The following GATD1 variants were observed in gnomAD, a reference collection of about 807,000 sequenced individuals.
GATD1 encodes the protein glutamine amidotransferase class 1 domain containing 1.
A neutral mutation model predicts 25.9 loss-of-function variants in GATD1; 23 were observed. That is an observed-to-expected ratio of 0.89 (90% CI 0.64 to 1.26). The LOEUF (loss-of-function observed/expected upper bound fraction) is 1.26. GATD1 is among the 50% of genes most tolerant of loss of function. The pLI, the probability that GATD1 is intolerant of heterozygous loss-of-function variation, is 0.00. For synonymous variants in GATD1, 177 were observed against 134.6 expected, an observed-to-expected ratio of 1.31 and a Z score of -2.18; for missense variants, 347 against 312.5, an observed-to-expected ratio of 1.11 and a Z score of -0.83.
rs1292877043 is a variant in GATD1 at position 774,131 on chromosome 11, AG to A, written c.142-19del. ...GCTTTCCCCTGGAGAAGCAGAGCCC[AG>A]GGGCCGAGGGTCAGCACCAGGGATA... On this transcript the variant is annotated intron_variant, in intron 2 of 7. Coordinates refer to ENST00000319863, the MANE Select transcript of GATD1 (RefSeq NM_182612.4). 1.2e-6 allele frequency: 2 copies of A among 1,603,578 alleles called. No individual in the cohort carries two copies. The highest frequency in any genetic ancestry group is 3.3e-5 in the Admixed American group (2 of 59,986).
chr11:769,810 G>T lies in GATD1; in HGVS notation c.*1087C>A. On this transcript the variant is annotated 3_prime_UTR_variant, in exon 8 of 8. Coordinates refer to ENST00000319863, the MANE Select transcript of GATD1 (RefSeq NM_182612.4). The stretch of plus-strand genomic sequence containing the variant: ...ATTTTTGTTTTTTAGTAGAGATGGG[G>T]TTTCACCATGTTAGCCAGGATGGTC... 1 of 573,120 alleles carries T rather than the reference G, an allele frequency of 1.7e-6. No homozygotes were observed. Among genetic ancestry groups the T allele is most frequent in the Non-Finnish European group, 2.2e-6 (1 of 454,294 alleles). The allele number at this position is 573,120 out of a possible 1,614,324, so 35.5% of individuals were successfully genotyped here.
At position 774,111 on chromosome 11, in the gene GATD1, C is replaced by T. The variant is rs1863727680; in HGVS notation, c.144G>A (p.Gly48=). ...TCACATCCACAAATTCCATGGCTTT[C>T]CCCTGGAGAAGCAGAGCCCAGGGGC... The part of the protein sequence containing the change: ...AFNLQVATPG[G]KAMEFVDVTE... The change falls in exon 3 of 8, where the codon GGG becomes GGA. Residue 48 remains glycine, a splice_region_variant and synonymous_variant. Coordinates refer to ENST00000319863, the MANE Select transcript of GATD1 (RefSeq NM_182612.4). The T allele has an allele frequency of 1.2e-5, 20 of 1,612,926 alleles. No individual in the cohort carries two copies. Among genetic ancestry groups the T allele is most frequent in the Non-Finnish European group, 1.5e-5 (18 of 1,179,464 alleles).
intron 2 of GATD1, among the ~76,000 whole-genome samples, 160 bp from the exon 3 acceptor site, chr11:774,273 G>A (rs1378689564): frequency 1.3e-5 from 2 of 152,360 alleles, no homozygotes; most frequent in South Asian, 2.1e-4. Context: ...CAGGGTCGGG[G>A]AGCCTGTCCC....
chr11:774,807 G>A (rs1313039522), intron 2 of GATD1, among the ~76,000 whole-genome samples: 2 of 152,048 alleles, frequency 1.3e-5, no homozygotes, highest in Non-Finnish European at 2.9e-5. Context: ...TCCAGCCTGG[G>A]CAACAAGAGC....
chr11:767,680 T>C lies in GATD1; in HGVS notation c.*3217A>G. ...GTCCTCACCTGCAAGGGGATGGTAT[T>C]AGGTGGGGCATTTGGGAGGTCATCC... On this transcript the variant is annotated 3_prime_UTR_variant, in exon 8 of 8. Coordinates refer to ENST00000319863, the MANE Select transcript of GATD1 (RefSeq NM_182612.4). 1 of 1,148,716 alleles carries C rather than the reference T, an allele frequency of 8.7e-7. No individual in the cohort carries two copies. The highest frequency in any genetic ancestry group is 1.1e-6 in the Non-Finnish European group (1 of 924,818). The allele number at this position is 1,148,716 out of a possible 1,614,324, so 71.2% of individuals were successfully genotyped here.
intron 2 of GATD1, among the ~76,000 whole-genome samples, 160 bp downstream of exon 2, chr11:774,906 G>A (rs964495223): frequency 6.6e-6 from 1 of 152,064 alleles, no homozygotes; most frequent in Non-Finnish European, 1.5e-5. Flanking sequence ...GACTGGGACA[G>A]GGGGACGCCA....
Position 770,406 on chromosome 11 carries a change from A to G in GATD1, c.*491T>C, listed in dbSNP as rs989779410. 6.6e-7 allele frequency: 1 copy of G among 1,522,074 alleles called. No homozygotes were observed. Among genetic ancestry groups the G allele is most frequent in the Admixed American group, 2.1e-5 (1 of 47,418 alleles). 94.3% of individuals were successfully genotyped at this position (1,522,074 alleles called of 1,614,324 possible). Reference sequence around the variant, plus strand: ...GGCAGGAGGCTGCTGCTCCTAAAAAATTCCGTTCACCTTTGGCCAAAGTTC... The same window carrying G: ...GGCAGGAGGCTGCTGCTCCTAAAAAGTTCCGTTCACCTTTGGCCAAAGTTC... On this transcript the variant is annotated 3_prime_UTR_variant, in exon 8 of 8. Transcript: ENST00000319863.
rs746705889 is a variant in GATD1 at position 769,366 on chromosome 11, G to T, written c.*1531C>A. The stretch of plus-strand genomic sequence containing the variant: ...AGACGGAGTTTCACTCATTGCCCAG[G>T]TTGGAGTGCAATGGCGCAATCTTGG... On this transcript the variant is annotated 3_prime_UTR_variant, in exon 8 of 8. Transcript: ENST00000319863. 205 of 919,216 alleles carry T rather than the reference G, an allele frequency of 2.2e-4. No individual in the cohort carries two copies. Among genetic ancestry groups the T allele is most frequent in the Admixed American group, 6.2e-5 (1 of 16,152 alleles). The allele number at this position is 919,216 out of a possible 1,614,324, so 56.9% of individuals were successfully genotyped here.
Position 770,578 on chromosome 11 carries a change from A to T in GATD1, c.*319T>A, listed in dbSNP as rs1172642745. 2.1e-6 allele frequency: 3 copies of T among 1,412,718 alleles called. No individual in the cohort carries two copies. Among genetic ancestry groups the T allele is most frequent in the Non-Finnish European group, 2.8e-6 (3 of 1,086,424 alleles). 87.5% of individuals were successfully genotyped at this position (1,412,718 alleles called of 1,614,324 possible). The stretch of plus-strand genomic sequence containing the variant: ...GTCTAGTCAACAGTGACCACACGTG[A>T]CAACCAGTCCTCCCTAGAAAACCCA... On this transcript the variant is annotated 3_prime_UTR_variant, in exon 8 of 8. Transcript: ENST00000319863.
intron 5 of GATD1, among the ~76,000 whole-genome samples, chr11:772,111 C>T (rs145816115): frequency 1.3e-5 from 2 of 152,316 alleles, no homozygotes; most frequent in African/African-American, 2.4e-5. Flanking sequence ...AAGTCTGATG[C>T]CCCTCCCTCC....
In GATD1 at chr11:774,030, G is replaced by C; in HGVS notation, c.225C>G (p.Pro75=). Residue 75 remains proline (P), a synonymous_variant, in exon 3 of 8, where the codon CCC becomes CCG. Transcript: ENST00000319863. ...TACCATCGATGGACTCGAGCTTGGC[G>C]GGGCTGGCGTAAGCCTTGAGGCGGA... ...QDFRLKAYAS[P]AKLESIDGAR... is the part of the protein sequence containing the mutation. The C allele has an allele frequency of 6.2e-7, 1 of 1,613,600 alleles. No homozygotes were observed. The highest frequency in any genetic ancestry group is 1.1e-5 in the South Asian group (1 of 91,086).
Position 773,528 on chromosome 11 carries a change from C to A in GATD1, c.349G>T (p.Glu117Ter). 5 of 1,610,538 alleles carry A rather than the reference C, an allele frequency of 3.1e-6. No homozygotes were observed. Among genetic ancestry groups the A allele is most frequent in the Non-Finnish European group, 4.2e-6 (5 of 1,179,016 alleles). Residue 117 changes from glutamate to a stop codon, truncating the protein, a stop_gained, in exon 4 of 8, where the codon GAG becomes TAG. Coordinates refer to ENST00000319863, the MANE Select transcript of GATD1 (RefSeq NM_182612.4). LOFTEE classifies it high-confidence loss of function. ...GGTCCCAGGGGTCACCTACTGCTCT[C>A]AGAGTGGAAGTGCTGCAGGATACGG... ...LARILQHFHS[E>*]SKPICAVGHG...
In GATD1 at chr11:767,222, T is replaced by C. The variant is rs1219562191; in HGVS notation, c.*3675A>G. 6.5e-7 allele frequency: 1 copy of C among 1,534,042 alleles called. No individual in the cohort carries two copies. Among genetic ancestry groups the C allele is most frequent in the South Asian group, 1.2e-5 (1 of 83,812 alleles). On this transcript the variant is annotated 3_prime_UTR_variant, in exon 8 of 8. Coordinates refer to ENST00000319863, the MANE Select transcript of GATD1 (RefSeq NM_182612.4). Reference sequence around the variant, plus strand: ...TTCTGCTGCGAACACCAGGACACCATTTGCATGCTGCTGCATGGTTTTATT... The same window carrying C: ...TTCTGCTGCGAACACCAGGACACCACTTGCATGCTGCTGCATGGTTTTATT...
chr11:771,289 C>T (rs1402172315), intron 6 of GATD1, 44 bp downstream of exon 6: 3 of 1,594,522 alleles, frequency 1.9e-6, no homozygotes, highest in Admixed American at 1.7e-5. Flanking sequence ...GGGAAGCCCC[C>T]CACCCCATCT....
Position 775,095 on chromosome 11 carries a change from C to A in GATD1, c.112G>T (p.Ala38Ser). 6.2e-7 allele frequency: 1 copy of A among 1,605,272 alleles called. No individual in the cohort carries two copies. The highest frequency in any genetic ancestry group is 1.7e-4 in the Middle Eastern group (1 of 6,042). ...FLHCFTMAST[A>S]FNLQVATPGG... The stretch of plus-strand genomic sequence containing the variant: ...GGGGTGGCCACCTGCAGGTTGAAGG[C>A]GGTGCTGGCCATCGTGAAACAGTGG... Residue 38 changes from alanine to serine, a missense_variant, in exon 2 of 8, where the codon GCC (alanine) becomes TCC (serine). Transcript: ENST00000319863.
rs1167854413 is a variant in GATD1, at chr11:777,399, CT to C, written c.63del (p.Gly22ValfsTer35). On this transcript the variant is annotated frameshift_variant and splice_region_variant, in exon 1 of 8. Coordinates refer to ENST00000319863, the MANE Select transcript of GATD1 (RefSeq NM_182612.4). LOFTEE classifies it high-confidence loss of function. ...ACTGGCCCCGGCCGCCGGGCCTCAC[CT>C]TCGGCGGCGCCGCTGGCCACGAGCA... ...ACLLVASGAA[E>X]GVSAQSFLHC... The C allele has an allele frequency of 7.7e-7, 1 of 1,298,274 alleles. No individual in the cohort carries two copies. The highest frequency in any genetic ancestry group is 2.1e-5 in the South Asian group (1 of 47,868). The allele number at this position is 1,298,274 out of a possible 1,614,324, so 80.4% of individuals were successfully genotyped here.
chr11:772,602 C>A lies in GATD1; in HGVS notation c.356-81G>T, dbSNP rs1459319586. On this transcript the variant is annotated intron_variant, in intron 4 of 7. Coordinates refer to ENST00000319863, the MANE Select transcript of GATD1 (RefSeq NM_182612.4). ...CCCTCCCAGATGCCCCTGCTTGTGG[C>A]TCCCCCAGGCTTGTGCCGCCTGCCT... 2.3e-6 allele frequency: 3 copies of A among 1,328,140 alleles called. No individual in the cohort carries two copies. In the African/African-American group the frequency reaches 4.3e-5, roughly 19 times the overall value. The allele number at this position is 1,328,140 out of a possible 1,614,324, so 82.3% of individuals were successfully genotyped here. A position where few individuals can be genotyped will look rare whatever the true frequency, so the allele number is the denominator to read the frequency against.
At chr11:774,871 G>A (rs1863805729) in intron 2 of GATD1, among the ~76,000 whole-genome samples, 195 bp downstream of exon 2, 1 of 152,078 alleles carries the variant, frequency 6.6e-6, no homozygotes, top group South Asian at 2.1e-4. Flanking sequence ...CATCACAGAT[G>A]GGGGATCAGA....
At chr11:773,459 G>A in intron 4 of GATD1, 63 bp downstream of exon 4, 1 of 1,347,268 alleles carries the variant, frequency 7.4e-7, no homozygotes, top group Non-Finnish European at 1.0e-6. Context: ...TCTGCTGGTG[G>A]GAGACCCATT....
Sources: allele counts gnomAD v4.1 joint callset (sites outside exome capture counted in the v4.1 genomes callset), GRCh38; gene constraint gnomAD v4.1.1; transcripts MANE v1.5; gene names NCBI Gene and HGNC (gene_info 2026-07-23, HGNC 2026-07-21).